DENND1A: variants seen among roughly 807,000 people sequenced by gnomAD.
The protein encoded by DENND1A is DENN domain-containing protein 1A.
Under a neutral mutation model 113.7 loss-of-function variants are expected in DENND1A, and 51 were observed. The observed-to-expected ratio is 0.45, with a 90% confidence interval of 0.36 to 0.57. The LOEUF (loss-of-function observed/expected upper bound fraction) is 0.57. Among genes scored for constraint, DENND1A ranks in the 20% least tolerant of loss-of-function variants. DENND1A has a pLI of 0.00. For synonymous variants in DENND1A, 565 were observed against 570.8 expected (o/e 0.99, Z 0.14); for missense variants, 1,258 against 1,395.9 (o/e 0.90, Z 1.57).
chr9:123,544,666 G>C (rs1032288336), intron 13 of DENND1A, among the ~76,000 whole-genome samples: 9 of 152,244 alleles, frequency 5.9e-5, no homozygotes, highest in South Asian at 2.1e-4. Flanking sequence ...CTCCACAGGG[G>C]GGCTGTAAAA....
chr9:123,720,777 C>T (rs144638646), intron 5 of DENND1A, among the ~76,000 whole-genome samples: 59 of 152,292 alleles, frequency 3.9e-4, no homozygotes, highest in Admixed American at 1.2e-3. Context: ...ATCCAGCATG[C>T]GTGGGCTGCC....
intron 1 of DENND1A, among the ~76,000 whole-genome samples, chr9:123,907,545 A>C (rs1288559929): frequency 6.4e-5 from 9 of 140,302 alleles, no homozygotes; most frequent in African/African-American, 8.1e-5. Context: ...ATTCTTATAC[A>C]CCAATAACAG....
chr9:123,858,185 G>C (rs1333816903), intron 2 of DENND1A, among the ~76,000 whole-genome samples: 1 of 152,164 alleles, frequency 6.6e-6, no homozygotes, highest in East Asian at 1.9e-4. Context: ...CTGAGAATTA[G>C]ATGGTAGTAC....
intron 4 of DENND1A, among the ~76,000 whole-genome samples, chr9:123,768,798 TAA>T (rs534848029): frequency 8.4e-6 from 1 of 119,274 alleles, no homozygotes. Context: ...TTTTATAAAG[TAA>T]AAAAAAAAAA....
chr9:123,637,332 G>A (rs2061757887), intron 9 of DENND1A, among the ~76,000 whole-genome samples: 1 of 152,224 alleles, frequency 6.6e-6, no homozygotes, highest in South Asian at 2.1e-4. Context: ...TGTAGAAAAT[G>A]CTGTGTGTCT....
At chr9:123,747,367 C>T (rs1262204795) in intron 5 of DENND1A, among the ~76,000 whole-genome samples, 1 of 152,134 alleles carries the variant, frequency 6.6e-6, no homozygotes, top group East Asian at 1.9e-4. Flanking sequence ...ACTTCAAAGG[C>T]ATCTGAAATA....
At chr9:123,515,926 A>C (rs1320592062) in intron 13 of DENND1A, among the ~76,000 whole-genome samples, 4 of 152,146 alleles carry the variant, frequency 2.6e-5, no homozygotes, top group East Asian at 1.9e-4. Context: ...ATAAAAACCC[A>C]AAAATCAGCC....
intron 5 of DENND1A, among the ~76,000 whole-genome samples, chr9:123,744,299 G>A (rs2069281898): frequency 2.0e-5 from 3 of 152,080 alleles, no homozygotes; most frequent in African/African-American, 4.8e-5. Flanking sequence ...TCTTCTATAA[G>A]TACTGGATAT....
intron 19 of DENND1A, among the ~76,000 whole-genome samples, chr9:123,418,015 G>A (rs897441794): frequency 1.3e-5 from 2 of 152,166 alleles, no homozygotes; most frequent in Non-Finnish European, 2.9e-5. Flanking sequence ...CAGATAAAAA[G>A]AGGGCCTTGA....
At chr9:123,905,395 A>C (rs1343887496) in intron 1 of DENND1A, among the ~76,000 whole-genome samples, 6 of 148,302 alleles carry the variant, frequency 4.0e-5, no homozygotes, top group Non-Finnish European at 8.9e-5. Context: ...TGCTCCAATT[A>C]AAAGACACAG....
chr9:123,811,619 C>T (rs974123097), intron 2 of DENND1A, among the ~76,000 whole-genome samples: 7 of 152,060 alleles, frequency 4.6e-5, no homozygotes, highest in Admixed American at 6.5e-5. Flanking sequence ...ATTAGCCAGG[C>T]GTGGTGGTGG....
intron 13 of DENND1A, among the ~76,000 whole-genome samples, chr9:123,507,270 A>G (rs2134413636): frequency 6.6e-6 from 1 of 152,368 alleles, no homozygotes; most frequent in East Asian, 1.9e-4. Context: ...AGGTTGTTGT[A>G]ACCACTACTG....
intron 9 of DENND1A, among the ~76,000 whole-genome samples, chr9:123,644,366 C>A (rs374905521): frequency 7.0e-5 from 6 of 86,326 alleles, no homozygotes; most frequent in African/African-American, 2.7e-4. Flanking sequence ...GGTCTTGGAG[C>A]TTTACAAGCT....
At chr9:123,626,400 G>T (rs747346571) in intron 10 of DENND1A, among the ~76,000 whole-genome samples, 2 of 151,966 alleles carry the variant, frequency 1.3e-5, no homozygotes, top group African/African-American at 2.4e-5. Flanking sequence ...AAGGGGGCTG[G>T]ATGTCACTCC....
chr9:123,691,521 C>T (rs1047298889), intron 5 of DENND1A, among the ~76,000 whole-genome samples: 1 of 148,428 alleles, frequency 6.7e-6, no homozygotes, highest in South Asian at 2.1e-4. Context: ...AAGGGTAGAG[C>T]GGGGTGTCTC....
At chr9:123,543,869 C>T (rs1361494266) in intron 13 of DENND1A, among the ~76,000 whole-genome samples, 2 of 150,562 alleles carry the variant, frequency 1.3e-5, no homozygotes, top group Non-Finnish European at 2.9e-5. Flanking sequence ...TTCTCTGCCT[C>T]TCACTGTCTT....
At chr9:123,468,090 A>G (rs2049103194) in intron 13 of DENND1A, among the ~76,000 whole-genome samples, 1 of 152,140 alleles carries the variant, frequency 6.6e-6, no homozygotes, top group Non-Finnish European at 1.5e-5. Context: ...AGTTCCTAGA[A>G]GGCAGGCTCT....
At chr9:123,800,147 T>C (rs1160587806) in intron 2 of DENND1A, among the ~76,000 whole-genome samples, 3 of 152,246 alleles carry the variant, frequency 2.0e-5, no homozygotes, top group Non-Finnish European at 1.5e-5. Flanking sequence ...ATTCGCCTCC[T>C]GGCATCTGTT....
chr9:123,621,432 C>T (rs890668571), intron 10 of DENND1A, among the ~76,000 whole-genome samples: 2 of 152,106 alleles, frequency 1.3e-5, no homozygotes, highest in Admixed American at 6.5e-5. Context: ...AGTGATCCAC[C>T]CCCTTGGCCT....
Sources: gnomAD v4.1 joint callset for allele counts (sites outside exome capture counted in the v4.1 genomes callset) on GRCh38, gnomAD v4.1.1 for gene constraint, MANE v1.5 for transcripts, NCBI Gene and HGNC (gene_info 2026-07-23, HGNC 2026-07-21) for gene names.